The following RNF150 variants were observed in gnomAD, a reference collection of about 807,000 sequenced individuals.
RNF150 encodes the protein ring finger protein 150.
Under a neutral mutation model 39.3 loss-of-function variants are expected in RNF150, and 24 were observed. That is an observed-to-expected ratio of 0.61 (90% CI 0.44 to 0.86). RNF150 has a LOEUF of 0.86. RNF150 is among the 40% of genes least tolerant of loss of function. The pLI is 0.00. For synonymous variants in RNF150, 255 were observed against 227.3 expected, an observed-to-expected ratio of 1.12 and a Z score of -1.10; for missense variants, 502 against 587.8, an observed-to-expected ratio of 0.85 and a Z score of 1.51.
At chr4:141,096,021 G>C (rs1396260468) in intron 1 of RNF150, among the ~76,000 whole-genome samples, 1 of 151,990 alleles carries the variant, frequency 6.6e-6, no homozygotes, top group Non-Finnish European at 1.5e-5. Context: ...GTTAACAGCA[G>C]TTACCTACTT....
At chr4:140,909,117 G>A (rs1295324526) in intron 6 of RNF150, among the ~76,000 whole-genome samples, 1 of 152,074 alleles carries the variant, frequency 6.6e-6, no homozygotes, top group Non-Finnish European at 1.5e-5. Flanking sequence ...AGACCACCTG[G>A]TACACCAAAA....
intron 1 of RNF150, among the ~76,000 whole-genome samples, chr4:141,212,327 A>G (rs1728481145): frequency 1.3e-5 from 2 of 152,158 alleles, no homozygotes; most frequent in South Asian, 4.1e-4. Flanking sequence ...AAACCTAGGA[A>G]GAAGGGACTT....
intron 1 of RNF150, among the ~76,000 whole-genome samples, chr4:141,090,109 C>T (rs763925860): frequency 6.6e-6 from 1 of 152,186 alleles, no homozygotes; most frequent in Non-Finnish European, 1.5e-5. Context: ...ACAATGTTAA[C>T]ATGTGACTTC....
chr4:141,048,595 T>C (rs932602594), intron 1 of RNF150, among the ~76,000 whole-genome samples: 4 of 152,010 alleles, frequency 2.6e-5, no homozygotes, highest in African/African-American at 9.7e-5. Flanking sequence ...TAACCAGGCA[T>C]GGTAGTGTGT....
At chr4:141,183,311 A>T (rs960757383) in intron 1 of RNF150, among the ~76,000 whole-genome samples, 2 of 152,098 alleles carry the variant, frequency 1.3e-5, no homozygotes, top group African/African-American at 4.8e-5. Flanking sequence ...CAGAATTCTA[A>T]GATTGTCCCC....
Position 140,860,028 on chromosome 4 carries a change from C to A in RNF150, c.*8233G>T, listed in dbSNP as rs1578905470. On this transcript the variant is annotated 3_prime_UTR_variant, in exon 7 of 7. Coordinates refer to ENST00000515673, the MANE Select transcript of RNF150 (RefSeq NM_020724.2). The stretch of plus-strand genomic sequence containing the variant: ...CTATCACCCTTGTTTCATCACTAGC[C>A]CATTATGAGACAAGTTGATTACGCT... 2 of 152,024 alleles carry A rather than the reference C, an allele frequency of 1.3e-5. No individual in the cohort carries two copies. Among genetic ancestry groups the A allele is most frequent in the East Asian group, 3.9e-4 (2 of 5,170 alleles). The allele number at this position is 152,024 out of a possible 1,614,324, so 9.4% of individuals were successfully genotyped here. A position where few individuals can be genotyped will look rare whatever the true frequency, so the allele number is the denominator to read the frequency against.
chr4:141,027,844 A>G (rs144131624), intron 1 of RNF150, among the ~76,000 whole-genome samples: 404 of 145,856 alleles, frequency 2.8e-3, no homozygotes, highest in African/African-American at 9.8e-3. Context: ...TGGATTTAAC[A>G]TTGATTTTCA....
At chr4:140,991,268 T>G (rs1212130890) in intron 1 of RNF150, among the ~76,000 whole-genome samples, 1 of 152,204 alleles carries the variant, frequency 6.6e-6, no homozygotes, top group Non-Finnish European at 1.5e-5. Context: ...ATGGACAGAT[T>G]GCAAAAATTT....
chr4:140,992,285 A>C (rs1560673285), intron 1 of RNF150, among the ~76,000 whole-genome samples: 1 of 152,120 alleles, frequency 6.6e-6, no homozygotes, highest in Non-Finnish European at 1.5e-5. Flanking sequence ...TAGGAGGATC[A>C]CTTGAGTCCA....
intron 1 of RNF150, among the ~76,000 whole-genome samples, chr4:141,013,910 A>T (rs1414351961): frequency 6.6e-6 from 1 of 152,174 alleles, no homozygotes; most frequent in African/African-American, 2.4e-5. Flanking sequence ...TGTGCTGTGC[A>T]ATACATCTCA....
chr4:141,076,349 A>T (rs549215254), intron 1 of RNF150, among the ~76,000 whole-genome samples: 4 of 152,278 alleles, frequency 2.6e-5, no homozygotes, highest in African/African-American at 9.6e-5. Context: ...AGATCAGGAT[A>T]TTCAGTTTTC....
chr4:141,121,136 A>G (rs1437692078), intron 1 of RNF150, among the ~76,000 whole-genome samples: 19 of 152,184 alleles, frequency 1.2e-4, no homozygotes, highest in Non-Finnish European at 1.5e-5. Context: ...CACAACATCT[A>G]TGATGGACAG....
intron 6 of RNF150, among the ~76,000 whole-genome samples, chr4:140,905,521 A>G (rs955367685): frequency 6.6e-6 from 1 of 152,102 alleles, no homozygotes; most frequent in African/African-American, 2.4e-5. Context: ...CCCATCACCC[A>G]TCTTGAGGCA....
chr4:140,888,098 T>C (rs1729641643), intron 6 of RNF150, among the ~76,000 whole-genome samples: 1 of 152,196 alleles, frequency 6.6e-6, no homozygotes, highest in African/African-American at 2.4e-5. Flanking sequence ...TTGTAAGTAA[T>C]TTGTTTAGAA....
At chr4:141,043,287 A>C (rs1379872623) in intron 1 of RNF150, among the ~76,000 whole-genome samples, 1 of 152,110 alleles carries the variant, frequency 6.6e-6, no homozygotes, top group Non-Finnish European at 1.5e-5. Flanking sequence ...GGTGGGCCAC[A>C]CAGAGAATTG....
intron 1 of RNF150, among the ~76,000 whole-genome samples, chr4:141,056,064 T>C (rs1402446733): frequency 2.0e-5 from 3 of 152,212 alleles, no homozygotes; most frequent in African/African-American, 7.2e-5. Context: ...ACTCCAAATT[T>C]TGCATAAATT....
intron 1 of RNF150, among the ~76,000 whole-genome samples, chr4:141,095,497 C>A (rs551259086): frequency 2.1e-4 from 32 of 152,250 alleles, no homozygotes; most frequent in Admixed American, 1.9e-3. Context: ...CATGTTCATG[C>A]AATGAATATC....
intron 1 of RNF150, among the ~76,000 whole-genome samples, chr4:141,048,174 A>G (rs72937384): frequency 0.03 from 4,601 of 152,310 alleles, 251 homozygotes; most frequent in African/African-American, 0.1. Flanking sequence ...AAACAAAGTC[A>G]TGAATGAAAC....
In RNF150 at chr4:140,967,632, A is replaced by G; in HGVS notation, c.726T>C (p.Asp242=). Reference sequence around the variant, plus strand: ...ACTTTTTGCTACTCACCTGGTTCCTATCCCTGGCATTTGCATATCGAAACC... The same window carrying G: ...ACTTTTTGCTACTCACCTGGTTCCTGTCCCTGGCATTTGCATATCGAAACC... ...IQRFRYANAR[D]RNQRRLGDAA... The change falls in exon 2 of 7, where the codon GAT becomes GAC. Residue 242 remains aspartate (D), a synonymous_variant. Coordinates refer to ENST00000515673, the MANE Select transcript of RNF150 (RefSeq NM_020724.2). 2 of 1,607,960 alleles carry G rather than the reference A, an allele frequency of 1.2e-6. No individual in the cohort carries two copies. Among genetic ancestry groups the G allele is most frequent in the Non-Finnish European group, 1.7e-6 (2 of 1,175,118 alleles).
Sources: gnomAD v4.1 joint callset for allele counts (sites outside exome capture counted in the v4.1 genomes callset) on GRCh38, gnomAD v4.1.1 for gene constraint, MANE v1.5 for transcripts, NCBI Gene and HGNC (gene_info 2026-07-23, HGNC 2026-07-21) for gene names.